CNOT4: variants seen among roughly 807,000 people sequenced by gnomAD.
CNOT4 encodes CCR4-associated factor 4.
A neutral mutation model predicts 73.8 loss-of-function variants in CNOT4; 8 were observed. That is an observed-to-expected ratio of 0.11 (90% confidence interval 0.06 to 0.20). The LOEUF (loss-of-function observed/expected upper bound fraction) is 0.20, where lower values mean the gene tolerates loss of function less well. CNOT4 is among the 10% of genes least tolerant of loss of function. The pLI is 1.00. For synonymous variants in CNOT4, 293 were observed against 321.1 expected (o/e 0.91, Z 0.94); for missense variants, 564 against 883.4 (o/e 0.64, Z 4.58).
intron 1 of CNOT4, among the ~76,000 whole-genome samples, chr7:135,465,218 AT>A (rs369719854): frequency 2.0e-3 from 311 of 152,304 alleles, no homozygotes; most frequent in African/African-American, 7.2e-3. Flanking sequence ...ATGTACAAAA[AT>A]CCAAGCACAC....
intron 10 of CNOT4, among the ~76,000 whole-genome samples, chr7:135,391,469 C>CA (rs1796397396): frequency 6.6e-6 from 1 of 151,828 alleles, no homozygotes; most frequent in South Asian, 2.1e-4. Context: ...TAAACTCTCC[C>CA]ACCCCCTACC....
At chr7:135,461,448 G>A (rs1585680103) in intron 1 of CNOT4, among the ~76,000 whole-genome samples, 1 of 152,192 alleles carries the variant, frequency 6.6e-6, no homozygotes, top group East Asian at 1.9e-4. Flanking sequence ...GCTACATAAT[G>A]CCTCACAGCT....
rs370263516 is a variant in CNOT4 at position 135,499,976 on chromosome 7, C to T, written c.-93+9913G>A. ...AAGTTTTAAAATGTCAAAAATATTTCTGTCATATTACTAGAATGAAAGAGG... is the reference window on the plus strand; with the variant it reads ...AAGTTTTAAAATGTCAAAAATATTTTTGTCATATTACTAGAATGAAAGAGG... On this transcript the variant is annotated intron_variant, in intron 1 of 11. Transcript: ENST00000541284. Among the ~76,000 whole-genome samples, 10 of 152,248 alleles carry T rather than the reference C, an allele frequency of 6.6e-5. No individual in the cohort carries two copies. In the East Asian group the frequency reaches 1.5e-3, roughly 24 times the overall value.
At chr7:135,413,667 C>T (rs2129484156) in intron 5 of CNOT4, 54 bp from the exon 6 acceptor site, 1 of 1,547,766 alleles carries the variant, frequency 6.5e-7, no homozygotes, top group South Asian at 1.2e-5. Context: ...ACTGACAACA[C>T]AATGAGAATC....
At chr7:135,478,380 A>G (rs1280227774) in intron 1 of CNOT4, among the ~76,000 whole-genome samples, 3 of 152,190 alleles carry the variant, frequency 2.0e-5, no homozygotes, top group African/African-American at 7.2e-5. Context: ...CTGGATATTG[A>G]ATATATTCAT....
At chr7:135,425,930 A>G (rs1317220950) in intron 2 of CNOT4, among the ~76,000 whole-genome samples, 1 of 152,146 alleles carries the variant, frequency 6.6e-6, no homozygotes, top group Non-Finnish European at 1.5e-5. Context: ...TGAGAGGTAG[A>G]CTATAAAGAT....
chr7:135,389,338 C>A (rs111408006), intron 10 of CNOT4, among the ~76,000 whole-genome samples: 4,392 of 151,830 alleles, frequency 0.029, 230 homozygotes, highest in African/African-American at 0.099. Flanking sequence ...GTTTTGAAAG[C>A]ATAAATTATG....
intron 1 of CNOT4, among the ~76,000 whole-genome samples, chr7:135,492,050 T>A (rs1458335496): frequency 6.6e-6 from 1 of 152,232 alleles, no homozygotes; most frequent in Non-Finnish European, 1.5e-5. Context: ...AGTGTTCTTC[T>A]GACTGCTTGC....
chr7:135,392,291 T>C (rs1357948689), intron 10 of CNOT4, among the ~76,000 whole-genome samples: 1 of 152,142 alleles, frequency 6.6e-6, no homozygotes, highest in African/African-American at 2.4e-5. Context: ...ATTTTATCCA[T>C]ATCTTAAACT....
chr7:135,488,593 G>A (rs549603120), intron 1 of CNOT4, among the ~76,000 whole-genome samples: 72 of 152,326 alleles, frequency 4.7e-4, no homozygotes, highest in Admixed American at 9.8e-4. Flanking sequence ...ATGTGTGCCA[G>A]TAGAATGAGT....
At chr7:135,409,025 A>G (rs761331844) in intron 7 of CNOT4, among the ~76,000 whole-genome samples, 1 of 152,198 alleles carries the variant, frequency 6.6e-6, no homozygotes, top group Non-Finnish European at 1.5e-5. Flanking sequence ...CAAAGAGATC[A>G]TCTAAATTTT....
intron 1 of CNOT4, among the ~76,000 whole-genome samples, chr7:135,481,995 G>A (rs1019499361): frequency 4.6e-5 from 7 of 152,158 alleles, no homozygotes; most frequent in Non-Finnish European, 7.4e-5. Flanking sequence ...CAGTCAAATA[G>A]AAGAAATAAC....
chr7:135,503,402 A>G (rs535240354), intron 1 of CNOT4, among the ~76,000 whole-genome samples: 5 of 151,960 alleles, frequency 3.3e-5, no homozygotes, highest in Admixed American at 1.3e-4. Flanking sequence ...GTTCAAGGCT[A>G]CAATGAGCTA....
At chr7:135,431,876 A>G (rs1025818820) in intron 2 of CNOT4, among the ~76,000 whole-genome samples, 5 of 152,224 alleles carry the variant, frequency 3.3e-5, no homozygotes, top group Non-Finnish European at 7.3e-5. Context: ...ACATGTAAAG[A>G]TATACCTTAT....
intron 1 of CNOT4, among the ~76,000 whole-genome samples, chr7:135,508,504 T>C (rs1275024338): frequency 6.6e-6 from 1 of 152,244 alleles, no homozygotes; most frequent in Non-Finnish European, 1.5e-5. Flanking sequence ...TATAAAAATG[T>C]CGATTTTTCT....
intron 1 of CNOT4, among the ~76,000 whole-genome samples, chr7:135,476,328 ACT>A (rs1801992891): frequency 6.6e-6 from 1 of 152,182 alleles, no homozygotes; most frequent in Non-Finnish European, 1.5e-5. Context: ...ACACAATCAC[ACT>A]GCCTTCCTAT....
At chr7:135,425,815 A>T (rs6976504) in intron 2 of CNOT4, among the ~76,000 whole-genome samples, 5,883 of 152,272 alleles carry the variant, frequency 0.039, 390 homozygotes, top group African/African-American at 0.13. Flanking sequence ...TATTCCAAAA[A>T]AGTTCCTCCT....
intron 1 of CNOT4, among the ~76,000 whole-genome samples, chr7:135,478,031 GT>G (rs1802106696): frequency 6.6e-6 from 1 of 151,996 alleles, no homozygotes. Context: ...GGTGTTATCT[GT>G]TTATAAATAT....
At chr7:135,466,934 CACA>C (rs908120355) in intron 1 of CNOT4, among the ~76,000 whole-genome samples, 2 of 152,134 alleles carry the variant, frequency 1.3e-5, no homozygotes, top group African/African-American at 2.4e-5. Context: ...ATGACATTCA[CACA>C]ACAACAAAAT....
Sources: gnomAD v4.1 joint callset for allele counts (sites outside exome capture counted in the v4.1 genomes callset) on GRCh38, gnomAD v4.1.1 for gene constraint, MANE v1.5 for transcripts, NCBI Gene and HGNC (gene_info 2026-07-23, HGNC 2026-07-21) for gene names.